ARMH3: variants seen among roughly 807,000 people sequenced by gnomAD.
ARMH3 encodes the protein armadillo like helical domain containing 3.
In ARMH3, 60 loss-of-function variants were observed where a neutral mutation model predicts 99.1. The ratio of observed to expected loss-of-function variants is 0.61; its 90% CI spans 0.49 to 0.75. The LOEUF is 0.75. ARMH3 is among the 30% of genes least tolerant of loss of function. The pLI, the probability that ARMH3 is intolerant of heterozygous loss-of-function variation, is 0.00. For missense variants in ARMH3, 679 were observed against 843.1 expected (o/e 0.81, Z 2.41); for synonymous variants, 285 against 292.8 (o/e 0.97, Z 0.27).
intron 15 of ARMH3, among the ~76,000 whole-genome samples, chr10:102,001,648 G>A (rs918226224): frequency 3.9e-5 from 6 of 152,124 alleles, no homozygotes; most frequent in South Asian, 2.1e-4. Flanking sequence ...TCCCTGAAGC[G>A]TGCTAATCCC....
chr10:101,977,270 G>C (rs1846053809), intron 19 of ARMH3, among the ~76,000 whole-genome samples: 1 of 152,158 alleles, frequency 6.6e-6, no homozygotes, highest in African/African-American at 2.4e-5. Flanking sequence ...TTAGTAGCTT[G>C]AGGTTAAGAT....
In ARMH3 at chr10:101,848,423, C is replaced by A. The variant is rs530530347; in HGVS notation, c.1978-803G>T. On this transcript the variant is annotated intron_variant, in intron 25 of 25. Transcript: ENST00000370033. ...ACTCTGAGAGGGTTCCAAGAGGAAT[C>A]TGGCAGACTCTTCAAGGAGATTTCC... Among the ~76,000 whole-genome samples the A allele has an allele frequency of 2.0e-5, 3 of 152,296 alleles. No individual in the cohort carries two copies. In the East Asian group the frequency reaches 5.8e-4, roughly 29 times the overall value.
At chr10:102,023,368 T>G (rs563321878) in intron 8 of ARMH3, 109 bp downstream of exon 8, 79 of 947,346 alleles carry the variant, frequency 8.3e-5, no homozygotes, top group Non-Finnish European at 1.2e-4. Flanking sequence ...AATTAATCAA[T>G]ATACCATTTA....
chr10:101,900,191 T>A (rs1413338174), intron 23 of ARMH3, among the ~76,000 whole-genome samples: 1 of 152,214 alleles, frequency 6.6e-6, no homozygotes, highest in East Asian at 1.9e-4. Context: ...TGTTCTCTAG[T>A]GGCAGGTCCG....
intron 19 of ARMH3, among the ~76,000 whole-genome samples, chr10:101,983,667 C>T (rs1356321376): frequency 6.6e-6 from 1 of 152,182 alleles, no homozygotes; most frequent in Non-Finnish European, 1.5e-5. Context: ...GGAAGGCGAA[C>T]AAGAATTCAT....
At chr10:101,966,092 TTTTTC>T (rs1161422610) in intron 20 of ARMH3, among the ~76,000 whole-genome samples, 35 of 150,762 alleles carry the variant, frequency 2.3e-4, no homozygotes, top group Non-Finnish European at 4.3e-4. Flanking sequence ...TTTTTTTTTC[TTTTTC>T]TTTTCTTTTT....
intron 24 of ARMH3, among the ~76,000 whole-genome samples, chr10:101,868,043 AG>A (rs971662712): frequency 8.5e-5 from 13 of 152,274 alleles, no homozygotes; most frequent in African/African-American, 2.6e-4. Context: ...AAATTTCTGC[AG>A]GAGAAAACTG....
rs530493679 is a variant in ARMH3 at position 101,893,162 on chromosome 10, A to C, written c.1782-3672T>G. 3.9e-5 allele frequency among the ~76,000 whole-genome samples: 6 copies of C among 152,336 alleles called. No individual in the cohort carries two copies. In the South Asian group the frequency reaches 8.3e-4, roughly 21 times the overall value. On this transcript the variant is annotated intron_variant, in intron 23 of 25. Coordinates refer to ENST00000370033, the MANE Select transcript of ARMH3 (RefSeq NM_024541.3). ...TGATAATCCCACTGATCCTAGCAGC[A>C]GCACCAATTTAAAGTTCACTCAGGG... is the stretch of plus-strand genomic sequence containing the variant.
chr10:101,852,801 G>C (rs1458487531), intron 24 of ARMH3, among the ~76,000 whole-genome samples: 1 of 151,100 alleles, frequency 6.6e-6, no homozygotes, highest in East Asian at 1.9e-4. Context: ...CCAGAAGCCT[G>C]GCTGGACTTA....
At chr10:102,036,006 C>G (rs967590693) in intron 2 of ARMH3, among the ~76,000 whole-genome samples, 2 of 152,042 alleles carry the variant, frequency 1.3e-5, no homozygotes, top group African/African-American at 4.8e-5. Context: ...GGGAGCACCT[C>G]TGCCCGGCCG....
intron 23 of ARMH3, among the ~76,000 whole-genome samples, chr10:101,933,750 T>C (rs1321842081): frequency 1.3e-5 from 2 of 152,218 alleles, no homozygotes; most frequent in African/African-American, 2.4e-5. Flanking sequence ...GAAGATAATA[T>C]GAGCCTACCT....
intron 23 of ARMH3, among the ~76,000 whole-genome samples, chr10:101,901,513 A>T (rs748506997): frequency 3.9e-5 from 6 of 152,326 alleles, no homozygotes; most frequent in Non-Finnish European, 8.8e-5. Flanking sequence ...AACCACTGAG[A>T]CGTGGCGTTA....
chr10:101,857,249 G>A (rs1042285283), intron 24 of ARMH3, among the ~76,000 whole-genome samples: 2 of 152,158 alleles, frequency 1.3e-5, no homozygotes, highest in Non-Finnish European at 2.9e-5. Flanking sequence ...CTTGAGGTCA[G>A]GAGTTCAAAA....
intron 25 of ARMH3, among the ~76,000 whole-genome samples, chr10:101,849,189 G>A (rs930272057): frequency 1.3e-5 from 2 of 152,206 alleles, no homozygotes; most frequent in Admixed American, 1.3e-4. Flanking sequence ...AGGACTGCAG[G>A]GGGGCTGAGC....
intron 20 of ARMH3, among the ~76,000 whole-genome samples, chr10:101,961,889 T>A (rs1255883697): frequency 2.6e-5 from 4 of 152,228 alleles, no homozygotes; most frequent in East Asian, 3.8e-4. Flanking sequence ...GACTTTGCAA[T>A]CAAGTACAGT....
At chr10:101,883,886 A>C (rs2067475819) in intron 24 of ARMH3, among the ~76,000 whole-genome samples, 1 of 151,956 alleles carries the variant, frequency 6.6e-6, no homozygotes, top group Non-Finnish European at 1.5e-5. Context: ...CTAGTTATTC[A>C]GCAGGATAAG....
At chr10:102,054,590 T>A (rs2067790493) in intron 1 of ARMH3, among the ~76,000 whole-genome samples, 1 of 152,150 alleles carries the variant, frequency 6.6e-6, no homozygotes, top group Non-Finnish European at 1.5e-5. Context: ...CAACTTAAGG[T>A]ACACCCAAAA....
At chr10:101,994,984 C>G (rs1222144145) in intron 16 of ARMH3, among the ~76,000 whole-genome samples, 1 of 152,140 alleles carries the variant, frequency 6.6e-6, no homozygotes, top group Non-Finnish European at 1.5e-5. Flanking sequence ...TGCAGTGAGC[C>G]AAGATCATGC....
intron 23 of ARMH3, among the ~76,000 whole-genome samples, chr10:101,927,935 G>A (rs1480624238): frequency 6.6e-6 from 1 of 152,126 alleles, no homozygotes; most frequent in Admixed American, 6.5e-5. Context: ...CTAGCCGGGT[G>A]TGGTGGCACA....
Sources: gnomAD v4.1 joint callset for allele counts (sites outside exome capture counted in the v4.1 genomes callset) on GRCh38, gnomAD v4.1.1 for gene constraint, MANE v1.5 for transcripts, NCBI Gene and HGNC (gene_info 2026-07-23, HGNC 2026-07-21) for gene names.